The following SLC24A4 variants were observed in gnomAD, a reference collection of about 807,000 sequenced individuals.
SLC24A4 encodes sodium/potassium/calcium exchanger 4.
Under a neutral mutation model 79.0 loss-of-function variants are expected in SLC24A4, and 53 were observed. The ratio of observed to expected loss-of-function variants is 0.67; its 90% CI spans 0.54 to 0.84. SLC24A4 has a LOEUF of 0.84. SLC24A4 is among the 40% of genes least tolerant of loss of function. The pLI is 0.00. For missense variants in SLC24A4, 731 were observed against 822.0 expected (o/e 0.89, Z 1.35); for synonymous variants, 323 against 323.8 (o/e 1.00, Z 0.03).
chr14:92,420,599 G>A lies in SLC24A4; in HGVS notation c.242-13313G>A, dbSNP rs527654440. Among the ~76,000 whole-genome samples the A allele has an allele frequency of 1.6e-3, 250 of 152,324 alleles. 1 individual carries two copies. The highest frequency in any genetic ancestry group is 5.5e-3 in the African/African-American group (229 of 41,558). On this transcript the variant is annotated intron_variant, in intron 2 of 16. Coordinates refer to ENST00000532405, the MANE Select transcript of SLC24A4 (RefSeq NM_153646.4). ...GTGCCAGGCTTTGATCTGGGTGTTG[G>A]AGGTACATCATGATCAACAGCAGTA... is the stretch of plus-strand genomic sequence containing the variant.
At chr14:92,416,319 C>T (rs1890985195) in intron 2 of SLC24A4, among the ~76,000 whole-genome samples, 1 of 152,096 alleles carries the variant, frequency 6.6e-6, no homozygotes, top group South Asian at 2.1e-4. Flanking sequence ...CTGCCACGCT[C>T]TGTGTGCTCT....
chr14:92,496,848 C>T lies in SLC24A4; in HGVS notation c.*3220C>T, dbSNP rs547189018. 1.3e-5 allele frequency: 2 copies of T among 152,320 alleles called. No individual in the cohort carries two copies. Among genetic ancestry groups the T allele is most frequent in the East Asian group, 1.9e-4 (1 of 5,192 alleles). The allele number at this position is 152,320 out of a possible 1,614,324, so 9.4% of individuals were successfully genotyped here. A position where few individuals can be genotyped will look rare whatever the true frequency, so the allele number is the denominator to read the frequency against. ...TTTGAGACAGCGTCTTGCTGTGTCACCCAGGCTGGAGTGCAGTGGTGCCAT... is the reference window on the plus strand; with the variant it reads ...TTTGAGACAGCGTCTTGCTGTGTCATCCAGGCTGGAGTGCAGTGGTGCCAT... On this transcript the variant is annotated 3_prime_UTR_variant, in exon 17 of 17. Transcript: ENST00000532405.
At chr14:92,467,108 A>G (rs1894170868) in intron 12 of SLC24A4, among the ~76,000 whole-genome samples, 1 of 152,232 alleles carries the variant, frequency 6.6e-6, no homozygotes, top group Non-Finnish European at 1.5e-5. Context: ...CTGAGGAAGC[A>G]GGGTCTGTTT....
intron 2 of SLC24A4, among the ~76,000 whole-genome samples, chr14:92,370,735 G>A (rs1888106566): frequency 6.6e-6 from 1 of 152,204 alleles, no homozygotes; most frequent in Admixed American, 6.5e-5. Flanking sequence ...GGCTTTCCAA[G>A]TGACAAGCCC....
At chr14:92,357,461 A>G (rs1699869055) in intron 2 of SLC24A4, among the ~76,000 whole-genome samples, 2 of 152,266 alleles carry the variant, frequency 1.3e-5, no homozygotes, top group Non-Finnish European at 2.9e-5. Flanking sequence ...TCAGTGGATG[A>G]ATGGCTACAT....
chr14:92,340,854 C>T (rs573612767), intron 2 of SLC24A4, among the ~76,000 whole-genome samples: 3 of 152,178 alleles, frequency 2.0e-5, no homozygotes, highest in South Asian at 2.1e-4. Context: ...AGGATTTTAC[C>T]GAGGCCCCAG....
chr14:92,449,190 A>T lies in SLC24A4; in HGVS notation c.854A>T (p.Asp285Val). The change falls in exon 10 of 17, where the codon GAC becomes GTC. Residue 285 changes from aspartate (D) to valine (V), a missense_variant. Coordinates refer to ENST00000532405, the MANE Select transcript of SLC24A4 (RefSeq NM_153646.4). ...GATTTCTATGACGGTAGCTATGATGACCCTTCCGTGCCATTGCTGGGGCAA... is the reference window on the plus strand; with the variant it reads ...GATTTCTATGACGGTAGCTATGATGTCCCTTCCGTGCCATTGCTGGGGCAA... Reference protein sequence around the residue: ...GNDFYDGSYDDPSVPLLGQVK... With the variant: ...GNDFYDGSYDVPSVPLLGQVK... 2 of 1,613,878 alleles carry T rather than the reference A, an allele frequency of 1.2e-6. No individual in the cohort carries two copies.
At position 92,495,142 on chromosome 14, in the gene SLC24A4, G is replaced by A. The variant is rs1344302390; in HGVS notation, c.*1514G>A. 2 of 152,608 alleles carry A rather than the reference G, an allele frequency of 1.3e-5. No homozygotes were observed. The highest frequency in any genetic ancestry group is 2.9e-5 in the Non-Finnish European group (2 of 68,034). The allele number at this position is 152,608 out of a possible 1,614,324, so 9.5% of individuals were successfully genotyped here. On this transcript the variant is annotated 3_prime_UTR_variant, in exon 17 of 17. Transcript: ENST00000532405. Reference sequence around the variant, plus strand: ...TTCACCAGACATCACTTTAAACTTGGTGATGAGTTTAAATCCAGTAGCTAA... The same window carrying A: ...TTCACCAGACATCACTTTAAACTTGATGATGAGTTTAAATCCAGTAGCTAA...
intron 12 of SLC24A4, among the ~76,000 whole-genome samples, chr14:92,465,750 C>T (rs1203322969): frequency 2.7e-5 from 4 of 150,806 alleles, no homozygotes; most frequent in South Asian, 2.1e-4. Flanking sequence ...GGCCCCCTCC[C>T]GACCCCCGAG....
At chr14:92,370,564 C>T (rs1888094941) in intron 2 of SLC24A4, among the ~76,000 whole-genome samples, 1 of 151,170 alleles carries the variant, frequency 6.6e-6, no homozygotes, top group Non-Finnish European at 1.5e-5. Flanking sequence ...ATAAATTAAA[C>T]ATGCTTTTAT....
rs528861755 is a variant in SLC24A4 at position 92,495,678 on chromosome 14, G to C, written c.*2050G>C. 29 of 152,372 alleles carry C rather than the reference G, an allele frequency of 1.9e-4. No individual in the cohort carries two copies. Among genetic ancestry groups the C allele is most frequent in the African/African-American group, 7.0e-4 (29 of 41,574 alleles). The allele number at this position is 152,372 out of a possible 1,614,324, so 9.4% of individuals were successfully genotyped here. A position where few individuals can be genotyped will look rare whatever the true frequency, so the allele number is the denominator to read the frequency against. Reference sequence around the variant, plus strand: ...GATTATTCTCCCCACTTAACAGAAAGTAGTGTCTTGGAGAGGTCAAGGGTC... The same window carrying C: ...GATTATTCTCCCCACTTAACAGAAACTAGTGTCTTGGAGAGGTCAAGGGTC... On this transcript the variant is annotated 3_prime_UTR_variant, in exon 17 of 17. Transcript: ENST00000532405.
At chr14:92,370,324 T>G (rs1888082727) in intron 2 of SLC24A4, among the ~76,000 whole-genome samples, 1 of 152,238 alleles carries the variant, frequency 6.6e-6, no homozygotes, top group Admixed American at 6.5e-5. Flanking sequence ...CTTTCGAGTC[T>G]GGCCTCTGTG....
rs115410787 is a variant in SLC24A4, at chr14:92,487,743, G to A, written c.1537+963G>A. Among the ~76,000 whole-genome samples the A allele has an allele frequency of 3.7e-3, 556 of 152,274 alleles. 2 individuals are homozygous for A. Among genetic ancestry groups the A allele is most frequent in the African/African-American group, 0.012 (497 of 41,554 alleles). On this transcript the variant is annotated intron_variant, in intron 14 of 16. Coordinates refer to ENST00000532405, the MANE Select transcript of SLC24A4 (RefSeq NM_153646.4). ...GTGCCACAATGGGGTGCCTTAAAAT[G>A]ACAGAAGTTCATTGTCTCACAGCTC... is the stretch of plus-strand genomic sequence containing the variant.
At position 92,442,165 on chromosome 14, in the gene SLC24A4, C is replaced by T; in HGVS notation, c.470C>T (p.Ser157Phe). 6.2e-6 allele frequency: 10 copies of T among 1,613,444 alleles called. No individual in the cohort carries two copies. The highest frequency in any genetic ancestry group is 8.5e-6 in the Non-Finnish European group (10 of 1,179,724). The change falls in exon 5 of 17, where the codon TCT becomes TTT. Residue 157 changes from serine (S) to phenylalanine (F), a missense_variant. Coordinates refer to ENST00000532405, the MANE Select transcript of SLC24A4 (RefSeq NM_153646.4). ...AGCTCAACGCCAGAGCTGTTTGCGT[C>T]TGTTATTGGTAAGAAATCCCCTCCA... Reference protein sequence around the residue: ...AGSSTPELFASVIGVFITHGD... With the variant: ...AGSSTPELFAFVIGVFITHGD...
At chr14:92,371,040 T>C (rs943498894) in intron 2 of SLC24A4, among the ~76,000 whole-genome samples, 1 of 152,198 alleles carries the variant, frequency 6.6e-6, no homozygotes, top group Non-Finnish European at 1.5e-5. Flanking sequence ...TTTAGACAGA[T>C]AGTAAGGACA....
intron 2 of SLC24A4, among the ~76,000 whole-genome samples, chr14:92,417,817 G>C (rs1053252535): frequency 3.3e-5 from 5 of 152,242 alleles, no homozygotes; most frequent in Admixed American, 6.5e-5. Flanking sequence ...TGTGGCTTTG[G>C]AGCAGCAGGC....
chr14:92,328,726 G>A (rs1157815354), intron 2 of SLC24A4, among the ~76,000 whole-genome samples: 2 of 152,252 alleles, frequency 1.3e-5, no homozygotes, highest in African/African-American at 4.8e-5. Flanking sequence ...AGGAAGTTCT[G>A]TTGGGCTGGG....
At chr14:92,339,667 A>C (rs1239234751) in intron 2 of SLC24A4, among the ~76,000 whole-genome samples, 1 of 152,124 alleles carries the variant, frequency 6.6e-6, no homozygotes, top group Non-Finnish European at 1.5e-5. Flanking sequence ...GTCATCCTGT[A>C]ATGTACGTTG....
intron 3 of SLC24A4, among the ~76,000 whole-genome samples, chr14:92,438,447 C>CAA (rs1892300812): frequency 1.3e-5 from 2 of 148,760 alleles, no homozygotes; most frequent in South Asian, 4.2e-4. Flanking sequence ...GCCATCTCTA[C>CAA]AAAAATAATA....
Sources: gnomAD v4.1 joint callset for allele counts (sites outside exome capture counted in the v4.1 genomes callset) on GRCh38, gnomAD v4.1.1 for gene constraint, MANE v1.5 for transcripts, NCBI Gene and HGNC (gene_info 2026-07-23, HGNC 2026-07-21) for gene names.